The following GLT1D1 variants were observed in gnomAD, a reference collection of about 807,000 sequenced individuals.
The protein encoded by GLT1D1 is glycosyltransferase 1 domain containing 1, also known as glycosyltransferase 1 domain-containing protein 1.
Under a neutral mutation model 28.7 loss-of-function variants are expected in GLT1D1, and 21 were observed. The observed-to-expected ratio is 0.73, with a 90% CI of 0.52 to 1.05. GLT1D1 has a LOEUF of 1.05. GLT1D1 is among the 50% of genes least tolerant of loss of function. The pLI, the probability that GLT1D1 is intolerant of heterozygous loss-of-function variation, is 0.00. For missense variants in GLT1D1, 343 were observed against 330.6 expected (o/e 1.04, Z -0.29); for synonymous variants, 147 against 124.8 (o/e 1.18, Z -1.19).
At chr12:128,885,358 G>T (rs1224883557) in intron 2 of GLT1D1, among the ~76,000 whole-genome samples, 1 of 152,092 alleles carries the variant, frequency 6.6e-6, no homozygotes, top group Non-Finnish European at 1.5e-5. Context: ...GAGTAGCTGG[G>T]ATTAAAGGCA....
In GLT1D1 at chr12:128,853,652, A is replaced by G; in HGVS notation, c.68+3A>G. ...GCGGTCACGGCCCAGCGCGTTCGGT[A>G]GGTGCAGGGCGCCGGGGCCTACGAA... On this transcript the variant is annotated splice_donor_region_variant and intron_variant, in intron 1 of 7. Transcript: ENST00000281703. The G allele has an allele frequency of 1.7e-6, 2 of 1,151,108 alleles. No homozygotes were observed. Among genetic ancestry groups the G allele is most frequent in the East Asian group, 1.2e-4 (2 of 16,832 alleles). 71.3% of individuals were successfully genotyped at this position (1,151,108 alleles called of 1,614,324 possible).
At chr12:128,923,529 T>A (rs574917108) in intron 4 of GLT1D1, among the ~76,000 whole-genome samples, 1 of 142,042 alleles carries the variant, frequency 7.0e-6, no homozygotes, top group Non-Finnish European at 1.5e-5. Context: ...TTTTCTTTTC[T>A]TTTTTTTTTT....
chr12:128,965,427 A>C (rs1878355902), intron 7 of GLT1D1, among the ~76,000 whole-genome samples: 1 of 152,198 alleles, frequency 6.6e-6, no homozygotes, highest in South Asian at 2.1e-4. Flanking sequence ...AGCCCAGCCC[A>C]AACTTTGATC....
In GLT1D1 at chr12:128,947,416, G is replaced by C; in HGVS notation, c.498G>C (p.Val166=). Residue 166 remains valine (V), a synonymous_variant, in exon 6 of 8, where the codon GTG becomes GTC. Coordinates refer to ENST00000281703, the MANE Select transcript of GLT1D1 (RefSeq NM_144669.3). ...TGGTGAAGAATTGCTTCGCGGTGGT[G>C]AATAGCTCTGTCTCTGAAGGCATGT... The C allele has an allele frequency of 1.2e-6, 2 of 1,614,146 alleles. No homozygotes were observed. The highest frequency in any genetic ancestry group is 1.7e-6 in the Non-Finnish European group (2 of 1,180,024).
chr12:128,878,343 C>T (rs1956923787), intron 2 of GLT1D1, among the ~76,000 whole-genome samples: 1 of 152,222 alleles, frequency 6.6e-6, no homozygotes, highest in Non-Finnish European at 1.5e-5. Context: ...CTGTCTCATC[C>T]ATTGTGCAGA....
intron 4 of GLT1D1, among the ~76,000 whole-genome samples, chr12:128,908,791 T>C (rs1871219032): frequency 6.6e-6 from 1 of 151,800 alleles, no homozygotes; most frequent in African/African-American, 2.4e-5. Flanking sequence ...CTACTAAAAA[T>C]ACAAAAAATT....
chr12:128,961,494 A>T (rs148517337), intron 7 of GLT1D1, among the ~76,000 whole-genome samples: 21 of 152,276 alleles, frequency 1.4e-4, no homozygotes, highest in African/African-American at 5.1e-4. Flanking sequence ...AAAAAGAAGG[A>T]GTCATGTCAT....
At chr12:128,879,961 C>T (rs1002774444) in intron 2 of GLT1D1, among the ~76,000 whole-genome samples, 1 of 152,122 alleles carries the variant, frequency 6.6e-6, no homozygotes, top group African/African-American at 2.4e-5. Context: ...TTTGCTATTC[C>T]AAGCAAGGCT....
In GLT1D1 at chr12:128,908,943, C is replaced by T. The variant is rs532011607; in HGVS notation, c.375+9656C>T. The stretch of plus-strand genomic sequence containing the variant: ...CAGCCTGGGCGACAGAGCGAGACTC[C>T]GTCTCAAAAATAAATAAATAAATAA... On this transcript the variant is annotated intron_variant, in intron 4 of 7. Transcript: ENST00000281703. Among the ~76,000 whole-genome samples, 172 of 150,272 alleles carry T rather than the reference C, an allele frequency of 1.1e-3. 2 individuals are homozygous for T. The South Asian group carries it at 0.035, about 31-fold the overall frequency.
chr12:128,944,561 G>T, intron 4 of GLT1D1: 2 of 763,006 alleles, frequency 2.6e-6, no homozygotes, highest in Non-Finnish European at 4.8e-6. Flanking sequence ...TTGGTGAGAT[G>T]AATCCAGTGA....
At chr12:128,869,691 C>T (rs12307707) in intron 1 of GLT1D1, among the ~76,000 whole-genome samples, 2,219 of 152,166 alleles carry the variant, frequency 0.015, 59 homozygotes, top group African/African-American at 0.05. Context: ...TTTTAGTGCT[C>T]AGCTGCCCCA....
At chr12:128,949,617 G>C (rs1301436552) in intron 6 of GLT1D1, among the ~76,000 whole-genome samples, 1 of 152,098 alleles carries the variant, frequency 6.6e-6, no homozygotes, top group Non-Finnish European at 1.5e-5. Context: ...TGGGCAGCGG[G>C]GTGAACAATT....
At position 128,853,919 on chromosome 12, in the gene GLT1D1, G is replaced by A. The variant is rs771088473; in HGVS notation, c.68+270G>A. Among the ~76,000 whole-genome samples the A allele has an allele frequency of 5.1e-4, 78 of 152,196 alleles. 1 individual carries two copies. The highest frequency in any genetic ancestry group is 2.2e-4 in the Non-Finnish European group (15 of 68,032). ...GGGACTGAGCAGGTGAACAGGCCCG[G>A]AGCCTGTCGTGGAGGGGCCCGGGAA... On this transcript the variant is annotated intron_variant, in intron 1 of 7. Transcript: ENST00000281703.
intron 4 of GLT1D1, among the ~76,000 whole-genome samples, chr12:128,910,468 T>G (rs1871394217): frequency 6.6e-6 from 1 of 152,150 alleles, no homozygotes; most frequent in Admixed American, 6.5e-5. Context: ...TTAAGTTAAA[T>G]GCCATGGTGT....
chr12:128,896,992 C>A (rs1332132762), intron 3 of GLT1D1, among the ~76,000 whole-genome samples: 4 of 152,144 alleles, frequency 2.6e-5, no homozygotes, highest in Non-Finnish European at 4.4e-5. Context: ...TCTCAAATTT[C>A]TCTTCAGAAA....
Position 128,982,966 on chromosome 12 carries a change from C to A in GLT1D1, c.677C>A (p.Pro226His), listed in dbSNP as rs755956013. Reference sequence around the variant, plus strand: ...CTGGCAAAGAGACTGGTTAGTGATCCTGCATTAGAAAAGGAAATCGTAGTG... The same window carrying A: ...CTGGCAAAGAGACTGGTTAGTGATCATGCATTAGAAAAGGAAATCGTAGTG... The change falls in exon 8 of 8, where the codon CCT becomes CAT. Residue 226 changes from proline to histidine, a missense_variant. Coordinates refer to ENST00000281703, the MANE Select transcript of GLT1D1 (RefSeq NM_144669.3). The A allele has an allele frequency of 1.2e-6, 2 of 1,613,868 alleles. No homozygotes were observed. The highest frequency in any genetic ancestry group is 1.3e-5 in the African/African-American group (1 of 74,886).
intron 3 of GLT1D1, among the ~76,000 whole-genome samples, chr12:128,892,923 G>A (rs758599385): frequency 1.3e-5 from 2 of 152,034 alleles, no homozygotes; most frequent in Non-Finnish European, 2.9e-5. Flanking sequence ...AAATTATTTG[G>A]TGAAGGATCA....
At chr12:128,879,647 G>T (rs1956990236) in intron 2 of GLT1D1, among the ~76,000 whole-genome samples, 1 of 151,920 alleles carries the variant, frequency 6.6e-6, no homozygotes, top group Non-Finnish European at 1.5e-5. Flanking sequence ...AGTAGAAACG[G>T]GCTTTCACTG....
At chr12:128,959,605 G>C (rs1055338841) in intron 7 of GLT1D1, among the ~76,000 whole-genome samples, 2 of 152,112 alleles carry the variant, frequency 1.3e-5, no homozygotes, top group African/African-American at 4.8e-5. Context: ...GAGTTTCTCT[G>C]TTATTGTCTA....
Sources: allele counts gnomAD v4.1 joint callset (sites outside exome capture counted in the v4.1 genomes callset), GRCh38; gene constraint gnomAD v4.1.1; transcripts MANE v1.5; gene names NCBI Gene and HGNC (gene_info 2026-07-23, HGNC 2026-07-21).